Variants in DCAF8L2 observed in about 807,000 individuals in gnomAD.
DCAF8L2 encodes DDB1- and CUL4-associated factor 8-like protein 2.
For missense variants in DCAF8L2, 430 were observed against 490.7 expected, an observed-to-expected ratio of 0.88 and a Z score of 1.17; for synonymous variants, 200 against 190.9, an observed-to-expected ratio of 1.05 and a Z score of -0.39.
chrX:27,486,271 G>C, the DCAF8L2 span, among the ~76,000 whole-genome samples: 211 of 110,133 alleles, frequency 1.9e-3, 1 homozygote, highest in Non-Finnish European at 3.0e-3. Context: ...CTCCCAAAGT[G>C]CTAGGATTAC....
At chrX:27,540,636 A>G in the DCAF8L2 span, among the ~76,000 whole-genome samples, 2 of 111,701 alleles carry the variant, frequency 1.8e-5, no homozygotes, top group Non-Finnish European at 3.8e-5. Flanking sequence ...GATAGGAGGA[A>G]TAAGTTCTAG....
chrX:27,725,112 G>T (rs1932026687), intron 4 of DCAF8L2, among the ~76,000 whole-genome samples: 1 of 67,493 alleles, frequency 1.5e-5, no homozygotes, highest in East Asian at 3.9e-4. Flanking sequence ...TAAGAGACAT[G>T]ATAGTAAGTT....
chrX:27,532,896 C>A, the DCAF8L2 span, among the ~76,000 whole-genome samples: 1 of 104,973 alleles, frequency 9.5e-6, no homozygotes, highest in African/African-American at 3.4e-5. Context: ...GGCAGCATGG[C>A]AAAACCCCAT....
the DCAF8L2 span, among the ~76,000 whole-genome samples, chrX:27,528,926 G>A: frequency 9.0e-6 from 1 of 111,707 alleles, no homozygotes; most frequent in African/African-American, 3.3e-5. Flanking sequence ...CCTAATTTCT[G>A]ATCCTGTAGT....
chrX:27,533,164 G>GAGGAAGAAAGAA, the DCAF8L2 span, among the ~76,000 whole-genome samples: 7 of 17,351 alleles, frequency 4.0e-4, no homozygotes, highest in Admixed American at 1.9e-3. Flanking sequence ...GAGAGAGAGA[G>GAGGAAGAAAGAA]AGAAAGAAAG....
intron 2 of DCAF8L2, chrX:27,676,824 A>G (rs1048385523): frequency 9.0e-6 from 1 of 111,529 alleles, no homozygotes; most frequent in Non-Finnish European, 1.9e-5. Flanking sequence ...AGACAACTAG[A>G]AGTAGTTTGC....
At chrX:27,658,042 G>A (rs1183068248) in intron 2 of DCAF8L2, among the ~76,000 whole-genome samples, 1 of 112,488 alleles carries the variant, frequency 8.9e-6, no homozygotes, top group African/African-American at 3.2e-5. Context: ...TCACAGCAAT[G>A]TGGTCTTAGA....
intron 3 of DCAF8L2, among the ~76,000 whole-genome samples, chrX:27,713,324 G>T (rs761888654): frequency 8.9e-6 from 1 of 111,858 alleles, no homozygotes; most frequent in African/African-American, 3.2e-5. Flanking sequence ...AATGCCAAAT[G>T]TTGCTAATGA....
chrX:27,476,944 C>A, the DCAF8L2 span, among the ~76,000 whole-genome samples: 1 of 112,018 alleles, frequency 8.9e-6, no homozygotes, highest in African/African-American at 3.2e-5. Context: ...AGAATTGTTG[C>A]ACTCATCTTT....
At chrX:27,698,978 T>C (rs951676209) in intron 3 of DCAF8L2, among the ~76,000 whole-genome samples, 3 of 111,886 alleles carry the variant, frequency 2.7e-5, no homozygotes, top group African/African-American at 9.8e-5. Flanking sequence ...AAATATTTGT[T>C]GAGGAGTTAT....
intron 2 of DCAF8L2, among the ~76,000 whole-genome samples, chrX:27,642,375 AT>A (rs1928770155): frequency 9.0e-6 from 1 of 111,147 alleles, no homozygotes; most frequent in Non-Finnish European, 1.9e-5. Flanking sequence ...ATTATAGTGT[AT>A]TTCTAATCTG....
the DCAF8L2 span, among the ~76,000 whole-genome samples, chrX:27,541,083 A>C: frequency 9.0e-6 from 1 of 111,371 alleles, no homozygotes; most frequent in Non-Finnish European, 1.9e-5. Flanking sequence ...TGAAAAATCA[A>C]CTCACAAAAG....
chrX:27,626,621 A>G (rs898665159), intron 1 of DCAF8L2, among the ~76,000 whole-genome samples: 1 of 112,231 alleles, frequency 8.9e-6, no homozygotes, highest in African/African-American at 3.2e-5. Flanking sequence ...ATGTTAAAAT[A>G]ATTAATTTGA....
At chrX:27,502,339 T>A in the DCAF8L2 span, among the ~76,000 whole-genome samples, 738 of 24,627 alleles carry the variant, frequency 0.03, 7 homozygotes, top group Non-Finnish European at 0.035. Flanking sequence ...AAAAAAAATA[T>A]ATATATATAT....
At chrX:27,476,286 G>A in the DCAF8L2 span, among the ~76,000 whole-genome samples, 6 of 111,026 alleles carry the variant, frequency 5.4e-5, no homozygotes, top group South Asian at 1.9e-3. Flanking sequence ...AAAAGTTACC[G>A]AAATCTTAGT....
chrX:27,638,957 G>A (rs1368056130), intron 2 of DCAF8L2, among the ~76,000 whole-genome samples: 1 of 111,538 alleles, frequency 9.0e-6, no homozygotes, highest in Non-Finnish European at 1.9e-5. Context: ...AGCACTATAG[G>A]AGAACCAAGT....
the DCAF8L2 span, among the ~76,000 whole-genome samples, chrX:27,552,148 T>C: frequency 9.0e-6 from 1 of 111,647 alleles, no homozygotes; most frequent in Non-Finnish European, 1.9e-5. Flanking sequence ...GATTATTTGT[T>C]TGTTTGTTTT....
chrX:27,522,635 T>C, the DCAF8L2 span, among the ~76,000 whole-genome samples: 3 of 112,011 alleles, frequency 2.7e-5, no homozygotes, highest in Admixed American at 2.8e-4. Flanking sequence ...CTGGAGACCA[T>C]TATTCTACTC....
the DCAF8L2 span, among the ~76,000 whole-genome samples, chrX:27,543,452 A>G: frequency 9.0e-6 from 1 of 111,618 alleles, no homozygotes; most frequent in African/African-American, 3.3e-5. Flanking sequence ...TAGGACTGCT[A>G]TTCAGAGACT....
Sources: gnomAD v4.1 joint callset for allele counts (sites outside exome capture counted in the v4.1 genomes callset) on GRCh38, gnomAD v4.1.1 for gene constraint, MANE v1.5 for transcripts, NCBI Gene and HGNC (gene_info 2026-07-23, HGNC 2026-07-21) for gene names.